FAM168A: variants seen among roughly 807,000 people sequenced by gnomAD.
FAM168A encodes the protein protein FAM168A.
Under a neutral mutation model 28.5 loss-of-function variants are expected in FAM168A, and 3 were observed. The observed-to-expected ratio is 0.11, with a 90% CI of 0.05 to 0.27. The LOEUF (loss-of-function observed/expected upper bound fraction) is 0.27. Ranked by LOEUF, FAM168A falls within the 10% of genes least tolerant of loss-of-function variation. The pLI is 1.00. For synonymous variants in FAM168A, 122 were observed against 124.2 expected (o/e 0.98, Z 0.12); for missense variants, 222 against 311.5 (o/e 0.71, Z 2.16).
Position 73,517,712 on chromosome 11 carries a change from C to T in FAM168A, c.-18-49220G>A, listed in dbSNP as rs116220306. ...TACAACCTTGTTTATACTATACGAC[C>T]TTGGCTCAGGAATACCAATTACTTT... On this transcript the variant is annotated intron_variant, in intron 1 of 7. Transcript: ENST00000356467. 5.4e-3 allele frequency among the ~76,000 whole-genome samples: 824 copies of T among 152,254 alleles called. 5 individuals carry two copies. The highest frequency in any genetic ancestry group is 0.019 in the African/African-American group (792 of 41,552).
intron 1 of FAM168A, among the ~76,000 whole-genome samples, chr11:73,556,745 G>T (rs974449367): frequency 4.6e-5 from 7 of 152,102 alleles, no homozygotes; most frequent in African/African-American, 1.7e-4. Flanking sequence ...TGAGGGCCAG[G>T]TGCAGTGGCT....
At chr11:73,424,757 C>T (rs1030682195) in intron 3 of FAM168A, among the ~76,000 whole-genome samples, 1 of 152,118 alleles carries the variant, frequency 6.6e-6, no homozygotes, top group Non-Finnish European at 1.5e-5. Flanking sequence ...TGTTTGAATT[C>T]GGCAGCCAGG....
At chr11:73,534,493 C>A (rs1943552784) in intron 1 of FAM168A, among the ~76,000 whole-genome samples, 1 of 151,836 alleles carries the variant, frequency 6.6e-6, no homozygotes, top group Non-Finnish European at 1.5e-5. Flanking sequence ...ACCTCCACCT[C>A]CTGGGTTCAA....
At chr11:73,445,896 T>G (rs1867303881) in intron 2 of FAM168A, among the ~76,000 whole-genome samples, 1 of 152,222 alleles carries the variant, frequency 6.6e-6, no homozygotes, top group Admixed American at 6.5e-5. Context: ...TCTCCCATAA[T>G]GTTTTACAAG....
chr11:73,413,982 G>C (rs1866658890), intron 4 of FAM168A, among the ~76,000 whole-genome samples: 1 of 152,158 alleles, frequency 6.6e-6, no homozygotes, highest in African/African-American at 2.4e-5. Context: ...AGGATGGCTT[G>C]AGCCCAGGAG....
chr11:73,529,921 G>T (rs912709152), intron 1 of FAM168A, among the ~76,000 whole-genome samples: 1 of 151,118 alleles, frequency 6.6e-6, no homozygotes, highest in Non-Finnish European at 1.5e-5. Flanking sequence ...AGAGTAGCTG[G>T]GATTACAGGC....
chr11:73,506,616 C>T (rs1855122702), intron 1 of FAM168A, among the ~76,000 whole-genome samples: 1 of 152,104 alleles, frequency 6.6e-6, no homozygotes, highest in Non-Finnish European at 1.5e-5. Context: ...GGCCTCAGTT[C>T]CCCCATCCAT....
intron 1 of FAM168A, among the ~76,000 whole-genome samples, chr11:73,544,845 A>AAATATAT (rs56727433): frequency 1.2e-4 from 11 of 94,532 alleles, no homozygotes; most frequent in Non-Finnish European, 2.0e-4. Context: ...AATATATATT[A>AAATATAT]AATATATAAT....
intron 2 of FAM168A, among the ~76,000 whole-genome samples, chr11:73,461,384 C>G (rs979968047): frequency 2.0e-5 from 3 of 152,164 alleles, no homozygotes; most frequent in African/African-American, 7.2e-5. Flanking sequence ...TCTTAAAGTG[C>G]TGGGATTACA....
At chr11:73,463,290 C>A (rs1468633463) in intron 2 of FAM168A, among the ~76,000 whole-genome samples, 1 of 152,022 alleles carries the variant, frequency 6.6e-6, no homozygotes, top group Non-Finnish European at 1.5e-5. Context: ...TGTTTTACTG[C>A]AATCTTTTTT....
At chr11:73,495,596 A>T (rs1854857911) in intron 1 of FAM168A, among the ~76,000 whole-genome samples, 1 of 152,244 alleles carries the variant, frequency 6.6e-6, no homozygotes, top group Admixed American at 6.5e-5. Flanking sequence ...AACTAATACA[A>T]TTTAAAAATG....
In FAM168A at chr11:73,402,339, TAGTC is replaced by T. The variant is rs1379607529; in HGVS notation, c.*4420_*4423del. 2 of 152,382 alleles carry T rather than the reference TAGTC, an allele frequency of 1.3e-5. No homozygotes were observed. The highest frequency in any genetic ancestry group is 2.1e-4 in the South Asian group (1 of 4,832). 9.4% of individuals were successfully genotyped at this position (152,382 alleles called of 1,614,324 possible). A position where few individuals can be genotyped will look rare whatever the true frequency, so the allele number is the denominator to read the frequency against. ...TGATATGGAAGCTCTGAGCCTCGCTTAGTCAGTGCCTCGCTGGGAACCTGGATGA... is the reference window on the plus strand; with the variant it reads ...TGATATGGAAGCTCTGAGCCTCGCTTAGTGCCTCGCTGGGAACCTGGATGA... On this transcript the variant is annotated 3_prime_UTR_variant, in exon 8 of 8. Transcript: ENST00000356467.
chr11:73,585,523 T>G (rs1484328214), intron 1 of FAM168A, among the ~76,000 whole-genome samples: 4 of 152,218 alleles, frequency 2.6e-5, no homozygotes. Context: ...TTAAATTTCT[T>G]AGACTACTAA....
intron 1 of FAM168A, among the ~76,000 whole-genome samples, chr11:73,506,782 C>A (rs1855124977): frequency 6.6e-6 from 1 of 152,076 alleles, no homozygotes. Context: ...GACTCAGACC[C>A]AAAATTCACT....
chr11:73,540,721 C>T (rs958756331), intron 1 of FAM168A, among the ~76,000 whole-genome samples: 1 of 152,112 alleles, frequency 6.6e-6, no homozygotes. Flanking sequence ...ATGGTGTTTC[C>T]TTATCTTGCT....
At chr11:73,411,643 G>T in intron 4 of FAM168A, 107 bp from the exon 5 acceptor site, 1 of 1,203,294 alleles carries the variant, frequency 8.3e-7, no homozygotes, top group Admixed American at 2.0e-5. Context: ...GCTGAATCCA[G>T]GCTGGAAACA....
intron 1 of FAM168A, among the ~76,000 whole-genome samples, chr11:73,576,543 G>A (rs1317514139): frequency 6.6e-6 from 1 of 152,132 alleles, no homozygotes; most frequent in African/African-American, 2.4e-5. Flanking sequence ...GTAATTTCTA[G>A]GAAATTACAA....
chr11:73,569,373 A>C (rs1445166407), intron 1 of FAM168A, among the ~76,000 whole-genome samples: 1 of 152,212 alleles, frequency 6.6e-6, no homozygotes, highest in Non-Finnish European at 1.5e-5. Flanking sequence ...ATCCACCTTC[A>C]AGTAGCTCTC....
chr11:73,561,436 T>C (rs1943957134), intron 1 of FAM168A, among the ~76,000 whole-genome samples: 1 of 152,098 alleles, frequency 6.6e-6, no homozygotes. Context: ...GGTAAATTTG[T>C]AGTTCACCTA....
Sources: allele counts gnomAD v4.1 joint callset (sites outside exome capture counted in the v4.1 genomes callset), GRCh38; gene constraint gnomAD v4.1.1; transcripts MANE v1.5; gene names NCBI Gene and HGNC (gene_info 2026-07-23, HGNC 2026-07-21).